The following ZAP70 variants were observed in gnomAD, a reference collection of about 807,000 sequenced individuals.
The protein encoded by ZAP70 is zeta chain of T cell receptor associated protein kinase 70.
A neutral mutation model predicts 65.8 loss-of-function variants in ZAP70; 27 were observed. The ratio of observed to expected loss-of-function variants is 0.41; its 90% CI spans 0.30 to 0.57. The LOEUF is 0.57. ZAP70 is among the 20% of genes least tolerant of loss of function. The pLI is 0.28. For missense variants in ZAP70, 696 were observed against 870.5 expected (o/e 0.80, Z 2.52); for synonymous variants, 363 against 360.8 (o/e 1.01, Z -0.07).
At chr2:97,752,672 CTT>C in the ZAP70 span, among the ~76,000 whole-genome samples, 1 of 152,226 alleles carries the variant, frequency 6.6e-6, no homozygotes, top group Non-Finnish European at 1.5e-5. Context: ...TCTAAAATGT[CTT>C]TGTTATCCAA....
chr2:97,742,785 A>G (rs764620629), downstream of ZAP70, among the ~76,000 whole-genome samples: 6 of 152,166 alleles, frequency 3.9e-5, no homozygotes, highest in Non-Finnish European at 5.9e-5. Flanking sequence ...TCTTGAACCC[A>G]TTTTACAGTT....
In ZAP70 at chr2:97,739,812, C is replaced by T. The variant is rs200373212; in HGVS notation, c.*314C>T. ...GCCCTGACATTGGAGCCTGGGCATC[C>T]TCAGGTGGTCAGGCGTAGATCACCA... On this transcript the variant is annotated 3_prime_UTR_variant, in exon 14 of 14. Coordinates refer to ENST00000264972, the MANE Select transcript of ZAP70 (RefSeq NM_001079.4). The T allele has an allele frequency of 2.3e-6, 1 of 438,840 alleles. No individual in the cohort carries two copies. Among genetic ancestry groups the T allele is most frequent in the South Asian group, 3.0e-5 (1 of 32,948 alleles). 27.2% of individuals were successfully genotyped at this position (438,840 alleles called of 1,614,324 possible). A position where few individuals can be genotyped will look rare whatever the true frequency, so the allele number is the denominator to read the frequency against.
chr2:97,723,883 G>C, intron 2 of ZAP70, 133 bp from the exon 3 acceptor site: 1 of 997,314 alleles, frequency 1.0e-6, no homozygotes, highest in Non-Finnish European at 1.5e-6. Context: ...GCACAGAGCA[G>C]GCTCTGCCCC....
chr2:97,724,354 G>T lies in ZAP70; in HGVS notation c.318G>T (p.Ser106=). 1.3e-6 allele frequency: 2 copies of T among 1,552,640 alleles called. No individual in the cohort carries two copies. Among genetic ancestry groups the T allele is most frequent in the African/African-American group, 1.4e-5 (1 of 74,004 alleles). ...CNLRKPCNRP[S]GLEPQPGVFD... ...TGCGCAAGCCGTGCAACCGGCCGTC[G>T]GGCCTCGAGCCGCAGCCGGGGGTCT... is the stretch of plus-strand genomic sequence containing the variant. Residue 106 remains serine (S), a synonymous_variant, in exon 3 of 14, where the codon TCG becomes TCT. Coordinates refer to ENST00000264972, the MANE Select transcript of ZAP70 (RefSeq NM_001079.4).
Position 97,733,319 on chromosome 2 carries a change from A to G in ZAP70, c.813A>G (p.Pro271=). The stretch of plus-strand genomic sequence containing the variant: ...CAGGGGCTGCTGCTCCCACACTCCC[A>G]GCCCACCCATCCACGTTGACTCATG... ...NASGAAAPTL[P]AHPSTLTHPQ... is the part of the protein sequence containing the mutation. Residue 271 remains proline (P), a synonymous_variant, in exon 7 of 14, where the codon CCA becomes CCG. Transcript: ENST00000264972. The G allele has an allele frequency of 6.3e-7, 1 of 1,598,654 alleles. No individual in the cohort carries two copies. The highest frequency in any genetic ancestry group is 8.5e-7 in the Non-Finnish European group (1 of 1,171,332).
rs1242662192 is a variant in ZAP70, at chr2:97,737,623, T to C, written c.1440T>C (p.Phe480=). Reference sequence around the variant, plus strand: ...GGCACTACGCCAAGATCAGCGACTTTGGCCTCTCCAAAGCACTGGGTGCCG... The same window carrying C: ...GGCACTACGCCAAGATCAGCGACTTCGGCCTCTCCAAAGCACTGGGTGCCG... The part of the protein sequence containing the change: ...VNRHYAKISD[F]GLSKALGADD... The change falls in exon 11 of 14, where the codon TTT becomes TTC. Residue 480 remains phenylalanine (F), a synonymous_variant. Transcript: ENST00000264972. The surrounding 1 kb of genome is among the most constrained non-coding windows in gnomAD (Gnocchi z 5.0). 1 of 1,614,106 alleles carries C rather than the reference T, an allele frequency of 6.2e-7. No individual in the cohort carries two copies.
At chr2:97,750,882 G>A in the ZAP70 span, among the ~76,000 whole-genome samples, 2 of 152,224 alleles carry the variant, frequency 1.3e-5, no homozygotes, top group African/African-American at 2.4e-5. Context: ...TCAGAGCAGA[G>A]TGGTCTCGTT....
intron 2 of ZAP70, among the ~76,000 whole-genome samples, chr2:97,722,693 G>C (rs1173255757): frequency 2.0e-5 from 3 of 152,218 alleles, no homozygotes; most frequent in Admixed American, 6.5e-5. Context: ...CCCTAGGAGG[G>C]ATAGTTCTAT....
chr2:97,724,590 C>T (rs1295028177), intron 3 of ZAP70, 152 bp downstream of exon 3: 1 of 1,534,016 alleles, frequency 6.5e-7, no homozygotes, highest in South Asian at 1.2e-5. Flanking sequence ...TGGGGAAGAA[C>T]CTGAAAGGAG....
the ZAP70 span, among the ~76,000 whole-genome samples, chr2:97,747,442 C>A: frequency 6.6e-6 from 1 of 152,132 alleles, no homozygotes; most frequent in Non-Finnish European, 1.5e-5. Context: ...AAGACTTTAC[C>A]GAGGTGACAG....
chr2:97,730,428 G>T (rs1050653345), intron 4 of ZAP70, among the ~76,000 whole-genome samples: 3 of 152,088 alleles, frequency 2.0e-5, no homozygotes, highest in African/African-American at 7.2e-5. Flanking sequence ...AATGGCTATT[G>T]GCCACTCATG....
At chr2:97,748,633 T>G in the ZAP70 span, among the ~76,000 whole-genome samples, 5 of 152,184 alleles carry the variant, frequency 3.3e-5, no homozygotes, top group Non-Finnish European at 7.3e-5. Context: ...AGGTGCGGGT[T>G]CTGGGCCATC....
At chr2:97,724,944 C>A in intron 3 of ZAP70, 148 bp from the exon 4 acceptor site, 1 of 1,533,868 alleles carries the variant, frequency 6.5e-7, no homozygotes, top group South Asian at 1.2e-5. Flanking sequence ...ACGGAGATGG[C>A]GCGGAGGTAG....
At chr2:97,725,043 G>T in intron 3 of ZAP70, 49 bp from the exon 4 acceptor site, 1 of 1,609,878 alleles carries the variant, frequency 6.2e-7, no homozygotes, top group Non-Finnish European at 8.5e-7. Context: ...GGGTTCCTGT[G>T]GCGAGCACTT....
chr2:97,735,539 C>T (rs1677838814), intron 10 of ZAP70, 83 bp downstream of exon 10: 5 of 1,490,044 alleles, frequency 3.4e-6, no homozygotes, highest in Middle Eastern at 2.3e-4. Context: ...CGCGTGCATG[C>T]GTGTGTGGGA....
At position 97,724,426 on chromosome 2, in the gene ZAP70, G is replaced by A. The variant is rs777031626; in HGVS notation, c.390G>A (p.Thr130=). 12 of 1,535,810 alleles carry A rather than the reference G, an allele frequency of 7.8e-6. No individual in the cohort carries two copies. The highest frequency in any genetic ancestry group is 1.9e-5 in the Admixed American group (1 of 52,992). The change falls in exon 3 of 14, where the codon ACG becomes ACA. Residue 130 remains threonine, a synonymous_variant. Coordinates refer to ENST00000264972, the MANE Select transcript of ZAP70 (RefSeq NM_001079.4). ...TGGTGCGTGACTACGTGCGCCAGAC[G>A]TGGAAGCTGGAGGTGAGAGCGCAGC... is the stretch of plus-strand genomic sequence containing the variant. ...DAMVRDYVRQ[T]WKLEGEALEQ...
chr2:97,734,545 G>A lies in ZAP70; in HGVS notation c.915G>A (p.Pro305=). Reference sequence around the variant, plus strand: ...CACGCATAACGTCCCCAGACAAACCGCGGCCGATGCCCATGGACACGAGCG... The same window carrying A: ...CACGCATAACGTCCCCAGACAAACCACGGCCGATGCCCATGGACACGAGCG... ...EPARITSPDK[P]RPMPMDTSVY... The change falls in exon 9 of 14, where the codon CCG becomes CCA. Residue 305 remains proline, a synonymous_variant. Transcript: ENST00000264972. 6.2e-7 allele frequency: 1 copy of A among 1,614,002 alleles called. No individual in the cohort carries two copies. Among genetic ancestry groups the A allele is most frequent in the Non-Finnish European group, 8.5e-7 (1 of 1,179,978 alleles).
At chr2:97,725,374 A>ACAC in intron 4 of ZAP70, 122 bp downstream of exon 4, 1 of 1,248,634 alleles carries the variant, frequency 8.0e-7, no homozygotes, top group South Asian at 1.4e-5. Flanking sequence ...TCACATGTGC[A>ACAC]AGTGGGTTGT....
At position 97,732,958 on chromosome 2, in the gene ZAP70, C is replaced by T. The variant is rs151031762; in HGVS notation, c.639C>T (p.Ile213=). 1.2e-5 allele frequency: 19 copies of T among 1,614,042 alleles called. No homozygotes were observed. The African/African-American group carries it at 2.1e-4, about 18-fold the overall frequency. ...GGAAGACGGTGTACCACTACCTCAT[C>T]AGCCAAGACAAGGCGGGCAAGTACT... ...IYGKTVYHYL[I]SQDKAGKYCI... The change falls in exon 5 of 14, where the codon ATC becomes ATT. Residue 213 remains isoleucine, a synonymous_variant. Coordinates refer to ENST00000264972, the MANE Select transcript of ZAP70 (RefSeq NM_001079.4).
Sources: gnomAD v4.1 joint callset for allele counts (sites outside exome capture counted in the v4.1 genomes callset) on GRCh38, gnomAD v4.1.1 for gene constraint, Gnocchi (gnomAD v3.1) non-coding constraint, MANE v1.5 for transcripts, NCBI Gene and HGNC (gene_info 2026-07-23, HGNC 2026-07-21) for gene names.